The following COL4A1 variants were observed in gnomAD, a reference collection of about 807,000 sequenced individuals.
The protein encoded by COL4A1 is collagen type IV alpha 1 chain.
Under a neutral mutation model 216.6 loss-of-function variants are expected in COL4A1, and 40 were observed. That is an observed-to-expected ratio of 0.18 (90% CI 0.14 to 0.24). COL4A1 has a LOEUF of 0.24. Among genes scored for constraint, COL4A1 ranks in the 10% least tolerant of loss-of-function variants. The pLI, the probability that COL4A1 is intolerant of heterozygous loss-of-function variation, is 1.00. For missense variants in COL4A1, 1,628 were observed against 2,196.8 expected, an observed-to-expected ratio of 0.74 and a Z score of 5.18; for synonymous variants, 839 against 810.7, an observed-to-expected ratio of 1.03 and a Z score of -0.59.
chr13:110,243,312 T>C (rs1881646213), intron 1 of COL4A1, among the ~76,000 whole-genome samples: 1 of 152,180 alleles, frequency 6.6e-6, no homozygotes, highest in East Asian at 1.9e-4. Flanking sequence ...CAAAATATTC[T>C]TGTAGTTCAC....
chr13:110,298,281 A>T (rs1181796590), intron 1 of COL4A1, among the ~76,000 whole-genome samples: 1 of 152,240 alleles, frequency 6.6e-6, no homozygotes, highest in Non-Finnish European at 1.5e-5. Context: ...AACAATTGAT[A>T]AAAAGCATCT....
chr13:110,277,891 C>G (rs966865152), intron 1 of COL4A1, among the ~76,000 whole-genome samples: 2 of 152,172 alleles, frequency 1.3e-5, no homozygotes, highest in Non-Finnish European at 2.9e-5. Context: ...CTTCATTTCC[C>G]TTAATTCCCA....
At chr13:110,241,693 T>C (rs145686192) in intron 2 of COL4A1, among the ~76,000 whole-genome samples, 7 of 152,336 alleles carry the variant, frequency 4.6e-5, no homozygotes, top group Admixed American at 3.3e-4. Flanking sequence ...CCATCACCTA[T>C]CAGGCATATT....
At chr13:110,158,680 C>A (rs1876912601) in intron 49 of COL4A1, among the ~76,000 whole-genome samples, 1 of 150,326 alleles carries the variant, frequency 6.7e-6, no homozygotes, top group Non-Finnish European at 1.5e-5. Flanking sequence ...GCTTCTTAGT[C>A]AAATGAATTT....
At chr13:110,204,350 A>C (rs1879390295) in intron 17 of COL4A1, among the ~76,000 whole-genome samples, 1 of 152,188 alleles carries the variant, frequency 6.6e-6, no homozygotes, top group African/African-American at 2.4e-5. Context: ...TATCTAGAGG[A>C]CATAAATATC....
At chr13:110,164,785 T>C (rs913093129) in intron 46 of COL4A1, 77 bp downstream of exon 46, 9 of 1,569,866 alleles carry the variant, frequency 5.7e-6, no homozygotes, top group Non-Finnish European at 7.8e-6. Flanking sequence ...TTATTTTAGA[T>C]ACATGGGTGA....
chr13:110,154,875 TG>T (rs1254149264), intron 50 of COL4A1, among the ~76,000 whole-genome samples: 1 of 152,252 alleles, frequency 6.6e-6, no homozygotes, highest in Admixed American at 6.5e-5. Context: ...ATGGAGAAGC[TG>T]GTCATATGAA....
chr13:110,184,914 C>T (rs1205412378), intron 26 of COL4A1, among the ~76,000 whole-genome samples: 1 of 152,094 alleles, frequency 6.6e-6, no homozygotes, highest in Non-Finnish European at 1.5e-5. Context: ...AGGTGATCTG[C>T]CCACCTTGGC....
intron 1 of COL4A1, among the ~76,000 whole-genome samples, chr13:110,282,903 C>A (rs1276927728): frequency 6.6e-6 from 1 of 152,206 alleles, no homozygotes; most frequent in Non-Finnish European, 1.5e-5. Flanking sequence ...CTTTCGTGGC[C>A]ATCGGAACAT....
intron 1 of COL4A1, among the ~76,000 whole-genome samples, chr13:110,248,541 G>A (rs1881939583): frequency 6.6e-6 from 1 of 151,886 alleles, no homozygotes; most frequent in Non-Finnish European, 1.5e-5. Flanking sequence ...GCGCAGGCTG[G>A]AGTGCACTGG....
chr13:110,292,376 G>A (rs141225252), intron 1 of COL4A1, among the ~76,000 whole-genome samples: 230 of 152,292 alleles, frequency 1.5e-3, no homozygotes, highest in African/African-American at 5.5e-3. Flanking sequence ...CCCAAAAGAG[G>A]CCATGCTGTG....
At chr13:110,206,805 T>C (rs2139198372) in intron 14 of COL4A1, 60 bp downstream of exon 14, 1 of 1,611,208 alleles carries the variant, frequency 6.2e-7, no homozygotes, top group East Asian at 2.2e-5. Flanking sequence ...GAAAAAAACT[T>C]GAAACTTAAA....
At position 110,207,339 on chromosome 13, in the gene COL4A1, CTT is replaced by C; in HGVS notation, c.780+62_780+63del. The C allele has an allele frequency of 2.8e-6, 4 of 1,412,796 alleles. No homozygotes were observed. Among genetic ancestry groups the C allele is most frequent in the Admixed American group, 3.4e-5 (2 of 59,678 alleles). 87.5% of individuals were successfully genotyped at this position (1,412,796 alleles called of 1,614,324 possible). A position where few individuals can be genotyped will look rare whatever the true frequency, so the allele number is the denominator to read the frequency against. On this transcript the variant is annotated intron_variant, in intron 13 of 51. Coordinates refer to ENST00000375820, the MANE Select transcript of COL4A1 (RefSeq NM_001845.6). The surrounding 1 kb of genome is among the most constrained non-coding windows in gnomAD (Gnocchi z 4.4). ...AAAACTGAGTTTTGACCCATTTTCTCTTTATCTTTTGGAATTTGTCCAAAATT... is the reference window on the plus strand; with the variant it reads ...AAAACTGAGTTTTGACCCATTTTCTCTATCTTTTGGAATTTGTCCAAAATT...
Position 110,162,296 on chromosome 13 carries a change from T to C in COL4A1, c.4396A>G (p.Ile1466Val). ...DDPQCPSGTK[I>V]LYHGYSLLYV... Reference sequence around the variant, plus strand: ...AGCAAAGAGTACCCGTGGTAAAGAATTTTGGTCCCAGAAGGACACTGTGGG... The same window carrying C: ...AGCAAAGAGTACCCGTGGTAAAGAACTTTGGTCCCAGAAGGACACTGTGGG... The change falls in exon 48 of 52, where the codon ATT becomes GTT. Residue 1466 changes from isoleucine to valine, a missense_variant. Transcript: ENST00000375820. 1 of 1,614,186 alleles carries C rather than the reference T, an allele frequency of 6.2e-7. No individual in the cohort carries two copies. The highest frequency in any genetic ancestry group is 8.5e-7 in the Non-Finnish European group (1 of 1,180,016).
chr13:110,256,064 C>G (rs995802501), intron 1 of COL4A1, among the ~76,000 whole-genome samples: 1 of 152,044 alleles, frequency 6.6e-6, no homozygotes, highest in Non-Finnish European at 1.5e-5. Context: ...CTACAAATCA[C>G]GCTGTATATC....
intron 1 of COL4A1, among the ~76,000 whole-genome samples, chr13:110,294,195 G>A (rs1399482923): frequency 6.6e-6 from 1 of 152,208 alleles, no homozygotes; most frequent in Non-Finnish European, 1.5e-5. Context: ...CTCGGGTCCT[G>A]TGGAACTAGA....
chr13:110,225,634 G>A (rs1880703273), intron 2 of COL4A1, among the ~76,000 whole-genome samples: 1 of 152,294 alleles, frequency 6.6e-6, no homozygotes. Flanking sequence ...GAGTGACTCA[G>A]GAAAGATCCC....
At position 110,167,487 on chromosome 13, in the gene COL4A1, T is replaced by C. The variant is rs542859651; in HGVS notation, c.3877-257A>G. Among the ~76,000 whole-genome samples the C allele has an allele frequency of 2.0e-5, 3 of 152,274 alleles. No individual in the cohort carries two copies. The South Asian group carries it at 6.2e-4, about 32-fold the overall frequency. ...CTTGTCCATCCACAGGGGAAGCGCC[T>C]GAGGAGCAGGCAAATGTCCTGCCCT... On this transcript the variant is annotated intron_variant, in intron 43 of 51. Coordinates refer to ENST00000375820, the MANE Select transcript of COL4A1 (RefSeq NM_001845.6).
chr13:110,168,717 T>C (rs1877458096), intron 43 of COL4A1, among the ~76,000 whole-genome samples: 2 of 152,218 alleles, frequency 1.3e-5, no homozygotes, highest in Admixed American at 6.5e-5. Flanking sequence ...AGAACATGTG[T>C]TGACTTACAG....
Sources: allele counts gnomAD v4.1 joint callset (sites outside exome capture counted in the v4.1 genomes callset), GRCh38; gene constraint gnomAD v4.1.1; non-coding constraint Gnocchi (gnomAD v3.1); transcripts MANE v1.5; gene names NCBI Gene and HGNC (gene_info 2026-07-23, HGNC 2026-07-21).